NRROS: variants seen among roughly 807,000 people sequenced by gnomAD.
NRROS encodes the protein negative regulator of reactive oxygen species, also known as transforming growth factor beta activator LRRC33.
NRROS carries 6 observed loss-of-function variants against 12.0 expected under a neutral mutation model. That is an observed-to-expected ratio of 0.50 (90% CI 0.27 to 0.98). The LOEUF (loss-of-function observed/expected upper bound fraction) is 0.98. Among genes scored for constraint, NRROS ranks in the 50% least tolerant of loss-of-function variants. The probability of loss-of-function intolerance (pLI) is 0.11; values close to 1 mark genes in which losing one functional copy is unlikely to be tolerated. For synonymous variants in NRROS, 462 were observed against 410.2 expected, an observed-to-expected ratio of 1.13 and a Z score of -1.53; for missense variants, 857 against 888.2, an observed-to-expected ratio of 0.96 and a Z score of 0.45.
Position 196,661,167 on chromosome 3 carries a change from T to C in NRROS, c.1524T>C (p.Asp508=). 1 of 1,612,794 alleles carries C rather than the reference T, an allele frequency of 6.2e-7. No individual in the cohort carries two copies. Among genetic ancestry groups the C allele is most frequent in the Non-Finnish European group, 8.5e-7 (1 of 1,179,172 alleles). The change falls in exon 3 of 3, where the codon GAT becomes GAC. Residue 508 remains aspartate, a synonymous_variant. Transcript: ENST00000328557. Reference sequence around the variant, plus strand: ...ATGGGAGCCTCGCCCCACTCCAGGATGTTGCCCCCATGTTACAGGTCCTGT... The same window carrying C: ...ATGGGAGCCTCGCCCCACTCCAGGACGTTGCCCCCATGTTACAGGTCCTGT... ...VLNGSLAPLQ[D]VAPMLQVLSL...
In NRROS at chr3:196,661,841, A is replaced by C; in HGVS notation, c.*119A>C. On this transcript the variant is annotated 3_prime_UTR_variant, in exon 3 of 3. Transcript: ENST00000328557. ...CGAATTGAAGTTTCAATTAAAATTT[A>C]ATATGTTTCCATTCCTCATCGCCCA... 1.1e-6 allele frequency: 1 copy of C among 910,096 alleles called. No homozygotes were observed. Among genetic ancestry groups the C allele is most frequent in the Non-Finnish European group, 1.6e-6 (1 of 629,530 alleles). 56.4% of individuals were successfully genotyped at this position (910,096 alleles called of 1,614,324 possible).
Position 196,660,585 on chromosome 3 carries a change from C to T in NRROS, c.942C>T (p.Thr314=). 1 of 1,614,184 alleles carries T rather than the reference C, an allele frequency of 6.2e-7. No homozygotes were observed. ...LLVDGNVTNI[T]TVSLWEEFSS... ...TGGACGGCAACGTGACCAACATCAC[C>T]ACCGTCAGCCTCTGGGAAGAATTCT... The change falls in exon 3 of 3, where the codon ACC becomes ACT. Residue 314 remains threonine (T), a synonymous_variant. Coordinates refer to ENST00000328557, the MANE Select transcript of NRROS (RefSeq NM_198565.3). The surrounding 1 kb of genome is among the most constrained non-coding windows in gnomAD (Gnocchi z 7.7).
In NRROS at chr3:196,659,742, T is replaced by C; in HGVS notation, c.109-10T>C. ...CTCCTCGCTGCTGACCGGTGTGGTTTTGGCCGCAGGTGGGTGGAGCCGCTG... is the reference window on the plus strand; with the variant it reads ...CTCCTCGCTGCTGACCGGTGTGGTTCTGGCCGCAGGTGGGTGGAGCCGCTG... On this transcript the variant is annotated splice_polypyrimidine_tract_variant and intron_variant, in intron 2 of 2. Coordinates refer to ENST00000328557, the MANE Select transcript of NRROS (RefSeq NM_198565.3). 3.1e-6 allele frequency: 5 copies of C among 1,601,204 alleles called. No individual in the cohort carries two copies. Among genetic ancestry groups the C allele is most frequent in the Non-Finnish European group, 4.3e-6 (5 of 1,172,220 alleles).
chr3:196,661,884 C>A lies in NRROS; in HGVS notation c.*162C>A, dbSNP rs1405932381. On this transcript the variant is annotated 3_prime_UTR_variant, in exon 3 of 3. Transcript: ENST00000328557. Reference sequence around the variant, plus strand: ...ATCGCCCACCCCACCCCCGCCCCCACCACCGCCCAAGTTCTTTTTCCATCA... The same window carrying A: ...ATCGCCCACCCCACCCCCGCCCCCAACACCGCCCAAGTTCTTTTTCCATCA... 2 of 481,432 alleles carry A rather than the reference C, an allele frequency of 4.2e-6. No individual in the cohort carries two copies. Among genetic ancestry groups the A allele is most frequent in the South Asian group, 6.1e-5 (1 of 16,282 alleles). The allele number at this position is 481,432 out of a possible 1,614,324, so 29.8% of individuals were successfully genotyped here.
Position 196,660,851 on chromosome 3 carries a change from G to A in NRROS, c.1208G>A (p.Ser403Asn), listed in dbSNP as rs1391714047. ...LAPGLASCLG[S>N]LRLFNLSSNQ... ...CCGGGGCTGGCCAGCTGCCTGGGCAGCCTGCGCTTGTTCAACCTGAGCTCC... is the reference window on the plus strand; with the variant it reads ...CCGGGGCTGGCCAGCTGCCTGGGCAACCTGCGCTTGTTCAACCTGAGCTCC... The change falls in exon 3 of 3, where the codon AGC (serine) becomes AAC (asparagine). Residue 403 changes from serine (S) to asparagine (N), a missense_variant. Transcript: ENST00000328557. The surrounding 1 kb of genome is among the most constrained non-coding windows in gnomAD (Gnocchi z 7.7). 1 of 1,613,732 alleles carries A rather than the reference G, an allele frequency of 6.2e-7. No homozygotes were observed. Among genetic ancestry groups the A allele is most frequent in the East Asian group, 2.2e-5 (1 of 44,890 alleles).
intron 1 of NRROS, among the ~76,000 whole-genome samples, chr3:196,650,264 C>T (rs1737398569): frequency 6.6e-6 from 1 of 152,208 alleles, no homozygotes; most frequent in Admixed American, 6.5e-5. Flanking sequence ...CTGCCTCAGC[C>T]TCCCGAGTAG....
At chr3:196,641,226 T>A (rs1400442687) in intron 1 of NRROS, among the ~76,000 whole-genome samples, 1 of 152,086 alleles carries the variant, frequency 6.6e-6, no homozygotes, top group Non-Finnish European at 1.5e-5. Flanking sequence ...TATTTATTTA[T>A]TTTTAGAGAC....
At chr3:196,653,153 A>G (rs1354778947) in intron 1 of NRROS, among the ~76,000 whole-genome samples, 3 of 152,216 alleles carry the variant, frequency 2.0e-5, no homozygotes, top group South Asian at 2.1e-4. Context: ...CCACAAGGCA[A>G]TGACTCCTGT....
At chr3:196,657,119 G>A (rs1162052277) in intron 2 of NRROS, among the ~76,000 whole-genome samples, 2 of 151,552 alleles carry the variant, frequency 1.3e-5, no homozygotes, top group Non-Finnish European at 2.9e-5. Flanking sequence ...CAGGCGAATC[G>A]CTTGAACCAG....
intron 1 of NRROS, among the ~76,000 whole-genome samples, chr3:196,649,583 T>G (rs1270302000): frequency 6.6e-6 from 1 of 152,162 alleles, no homozygotes; most frequent in Non-Finnish European, 1.5e-5. Context: ...GCCATTCTCC[T>G]GCCTCAGCCT....
chr3:196,644,530 C>T (rs1017378328), intron 1 of NRROS, among the ~76,000 whole-genome samples: 1 of 151,966 alleles, frequency 6.6e-6, no homozygotes, highest in Non-Finnish European at 1.5e-5. Context: ...GTAATCCCAG[C>T]ACTTTGGGAG....
intron 1 of NRROS, among the ~76,000 whole-genome samples, chr3:196,651,668 G>T (rs1737430713): frequency 6.6e-6 from 1 of 152,190 alleles, no homozygotes; most frequent in South Asian, 2.1e-4. Flanking sequence ...TTGGGAGGCT[G>T]AGGCAGGAGA....
chr3:196,643,582 C>T (rs556689305), intron 1 of NRROS, among the ~76,000 whole-genome samples: 2 of 152,230 alleles, frequency 1.3e-5, no homozygotes, highest in African/African-American at 2.4e-5. Context: ...GAGCACATAA[C>T]GCTCCGTCTT....
chr3:196,661,601 T>C lies in NRROS; in HGVS notation c.1958T>C (p.Leu653Pro), dbSNP rs2108644693. Residue 653 changes from leucine to proline, a missense_variant, in exon 3 of 3, where the codon CTC becomes CCC. Transcript: ENST00000328557. ...CGGCTGGACCTGGGCCTGCTCTACCTCGTGCTCATCCTCCCCAGCTGCCTC... is the reference window on the plus strand; with the variant it reads ...CGGCTGGACCTGGGCCTGCTCTACCCCGTGCTCATCCTCCCCAGCTGCCTC... ...WERLDLGLLYLVLILPSCLTL... is the reference protein window; with the variant it reads ...WERLDLGLLYPVLILPSCLTL... The C allele has an allele frequency of 6.2e-7, 1 of 1,613,658 alleles. No homozygotes were observed.
intron 1 of NRROS, among the ~76,000 whole-genome samples, chr3:196,647,122 T>C (rs1245629105): frequency 6.6e-6 from 1 of 152,216 alleles, no homozygotes; most frequent in East Asian, 1.9e-4. Flanking sequence ...TGGTTTCCAC[T>C]TTTTTATTAT....
intron 2 of NRROS, among the ~76,000 whole-genome samples, chr3:196,655,235 T>TAA (rs1259170871): frequency 1.7e-4 from 13 of 74,594 alleles, no homozygotes; most frequent in South Asian, 3.8e-4. Context: ...ACCTTGTCTT[T>TAA]AAAAAAAAAA....
intron 1 of NRROS, among the ~76,000 whole-genome samples, chr3:196,653,338 A>G (rs951368037): frequency 4.6e-5 from 7 of 152,230 alleles, no homozygotes; most frequent in Non-Finnish European, 8.8e-5. Flanking sequence ...ACTGGTGAGC[A>G]TTCAAATCTG....
chr3:196,641,097 T>C (rs1383085228), intron 1 of NRROS, among the ~76,000 whole-genome samples: 1 of 151,854 alleles, frequency 6.6e-6, no homozygotes, highest in Non-Finnish European at 1.5e-5. Flanking sequence ...GATTATAGAA[T>C]CATGGGCCCA....
In NRROS at chr3:196,660,890, G is replaced by T; in HGVS notation, c.1247G>T (p.Gly416Val). 2 of 1,614,100 alleles carry T rather than the reference G, an allele frequency of 1.2e-6. No homozygotes were observed. Among genetic ancestry groups the T allele is most frequent in the South Asian group, 2.2e-5 (2 of 91,088 alleles). Reference protein sequence around the residue: ...LFNLSSNQLLGVPPGLFANAR... With the variant: ...LFNLSSNQLLVVPPGLFANAR... ...AACCTGAGCTCCAACCAGCTCCTGG[G>T]CGTCCCCCCTGGCCTCTTCGCCAAT... Residue 416 changes from glycine to valine, a missense_variant, in exon 3 of 3, where the codon GGC becomes GTC. Transcript: ENST00000328557. This position sits in a 1 kb window ranked among gnomAD's most constrained non-coding sequence, Gnocchi z 7.7.
Sources: allele counts gnomAD v4.1 joint callset (sites outside exome capture counted in the v4.1 genomes callset), GRCh38; gene constraint gnomAD v4.1.1; non-coding constraint Gnocchi (gnomAD v3.1); transcripts MANE v1.5; gene names NCBI Gene and HGNC (gene_info 2026-07-23, HGNC 2026-07-21).